BMPR1B: variants seen among roughly 807,000 people sequenced by gnomAD.
BMPR1B encodes the protein bone morphogenetic protein receptor type-1B.
A neutral mutation model predicts 59.1 loss-of-function variants in BMPR1B; 12 were observed. That is an observed-to-expected ratio of 0.20 (90% CI 0.13 to 0.33). BMPR1B has a LOEUF of 0.33. BMPR1B is among the 10% of genes least tolerant of loss of function. The probability of loss-of-function intolerance (pLI) is 1.00; values close to 1 mark genes in which losing one functional copy is unlikely to be tolerated. For missense variants in BMPR1B, 550 were observed against 610.9 expected (o/e 0.90, Z 1.05); for synonymous variants, 237 against 207.3 (o/e 1.14, Z -1.23).
At chr4:95,066,313 A>T (rs1012162238) in intron 3 of BMPR1B, among the ~76,000 whole-genome samples, 7 of 152,230 alleles carry the variant, frequency 4.6e-5, no homozygotes, top group Non-Finnish European at 1.0e-4. Context: ...GCACATAGAC[A>T]TAACATAAGC....
At chr4:94,868,018 A>AT (rs66760751) in intron 1 of BMPR1B, among the ~76,000 whole-genome samples, 241 of 141,354 alleles carry the variant, frequency 1.7e-3, no homozygotes, top group Middle Eastern at 0.011. Flanking sequence ...TGCCCCGCTA[A>AT]TTTTTTTTTT....
At chr4:95,118,041 A>G (rs552813722) in intron 6 of BMPR1B, among the ~76,000 whole-genome samples, 2 of 152,260 alleles carry the variant, frequency 1.3e-5, no homozygotes, top group South Asian at 2.1e-4. Context: ...GCATTGCGTA[A>G]GGTGGCTGGC....
chr4:95,136,312 A>G (rs1461239391), intron 10 of BMPR1B, among the ~76,000 whole-genome samples: 1 of 152,228 alleles, frequency 6.6e-6, no homozygotes, highest in African/African-American at 2.4e-5. Flanking sequence ...TCGTTTTGCC[A>G]GTATTTTATT....
At chr4:94,880,656 T>TTTTTTTTA (rs1726924290) in intron 2 of BMPR1B, among the ~76,000 whole-genome samples, 1 of 145,430 alleles carries the variant, frequency 6.9e-6, no homozygotes, top group African/African-American at 2.7e-5. Flanking sequence ...TTTTTTTTTT[T>TTTTTTTTA]GAGACAGAGT....
At chr4:94,900,461 G>A (rs1449432101) in intron 2 of BMPR1B, among the ~76,000 whole-genome samples, 2 of 151,724 alleles carry the variant, frequency 1.3e-5, no homozygotes. Flanking sequence ...GTTTTAATTT[G>A]TACATACAAA....
At chr4:94,796,211 C>T (rs375418328) in intron 1 of BMPR1B, among the ~76,000 whole-genome samples, 38 of 152,182 alleles carry the variant, frequency 2.5e-4, no homozygotes, top group South Asian at 1.9e-3. Flanking sequence ...GTGATCTGTC[C>T]GCCTCAGCCT....
chr4:94,993,517 T>C (rs559967111), intron 2 of BMPR1B, among the ~76,000 whole-genome samples: 35 of 152,046 alleles, frequency 2.3e-4, no homozygotes, highest in Admixed American at 1.6e-3. Flanking sequence ...CCCAGCACTT[T>C]GGGAGGCCGA....
At chr4:94,897,651 G>C (rs1727636714) in intron 2 of BMPR1B, among the ~76,000 whole-genome samples, 1 of 151,842 alleles carries the variant, frequency 6.6e-6, no homozygotes, top group Admixed American at 6.6e-5. Context: ...ATAACATAAG[G>C]GTTTTTTTGT....
At chr4:94,857,738 A>G (rs1725815378) in intron 1 of BMPR1B, among the ~76,000 whole-genome samples, 1 of 152,182 alleles carries the variant, frequency 6.6e-6, no homozygotes, top group Admixed American at 6.5e-5. Context: ...AGGCTCTGAG[A>G]TGTCCTCAAA....
intron 3 of BMPR1B, among the ~76,000 whole-genome samples, chr4:95,023,568 A>T (rs2149140517): frequency 6.6e-6 from 1 of 151,338 alleles, no homozygotes; most frequent in Non-Finnish European, 1.5e-5. Flanking sequence ...TTTTAAATTG[A>T]TAGAAATGAA....
intron 6 of BMPR1B, among the ~76,000 whole-genome samples, chr4:95,123,075 A>C (rs1732641468): frequency 6.6e-6 from 1 of 152,194 alleles, no homozygotes; most frequent in African/African-American, 2.4e-5. Context: ...AAAGTCAGTG[A>C]ATATACATTG....
chr4:94,945,998 CA>C (rs1211996323), intron 2 of BMPR1B, among the ~76,000 whole-genome samples: 37 of 152,114 alleles, frequency 2.4e-4, no homozygotes, highest in African/African-American at 8.4e-4. Context: ...TAAAATTTTG[CA>C]GAGTATTCTA....
intron 2 of BMPR1B, among the ~76,000 whole-genome samples, chr4:94,958,572 TGTTGG>T (rs1337879388): frequency 6.6e-6 from 1 of 152,156 alleles, no homozygotes; most frequent in African/African-American, 2.4e-5. Context: ...ACGCCAGTCA[TGTTGG>T]GTTAGGGACC....
At chr4:94,770,926 CT>C in intron 1 of BMPR1B, among the ~76,000 whole-genome samples, 1 of 151,056 alleles carries the variant, frequency 6.6e-6, no homozygotes. Flanking sequence ...GCTAGACCCC[CT>C]CCCATGATTA....
At chr4:94,972,366 CAT>C (rs1578866569) in intron 2 of BMPR1B, among the ~76,000 whole-genome samples, 1 of 151,960 alleles carries the variant, frequency 6.6e-6, no homozygotes, top group African/African-American at 2.4e-5. Flanking sequence ...ATTTGAAAAA[CAT>C]AGACACTATA....
At chr4:94,894,152 A>G (rs1480016770) in intron 2 of BMPR1B, among the ~76,000 whole-genome samples, 2 of 151,982 alleles carry the variant, frequency 1.3e-5, no homozygotes, top group African/African-American at 4.8e-5. Context: ...ACCAGTCTGC[A>G]TTTTCTTTTC....
intron 1 of BMPR1B, among the ~76,000 whole-genome samples, chr4:94,758,370 A>C (rs2110550220): frequency 6.7e-6 from 1 of 150,096 alleles, no homozygotes; most frequent in East Asian, 2.0e-4. Context: ...GTGCCTGCGC[A>C]GGCGAGGAGT....
chr4:94,958,599 C>T (rs994254787), intron 2 of BMPR1B, among the ~76,000 whole-genome samples: 5 of 152,110 alleles, frequency 3.3e-5, no homozygotes, highest in African/African-American at 1.2e-4. Context: ...CCCTAACAGC[C>T]TTGTTTTAAC....
rs1560624934 is a variant in BMPR1B at position 95,061,212 on chromosome 4, A to ACAC, written c.-17-43195_-17-43193dup. ...ACACACACACACACACACACACACC[A>ACAC]CACACCCCTCCATTGAATATACATA... is the stretch of plus-strand genomic sequence containing the variant. On this transcript the variant is annotated intron_variant, in intron 3 of 12. Coordinates refer to ENST00000515059, the MANE Select transcript of BMPR1B (RefSeq NM_001203.3). Among the ~76,000 whole-genome samples, 431 of 131,706 alleles carry ACAC rather than the reference A, an allele frequency of 3.3e-3. 3 individuals carry two copies. Among genetic ancestry groups the ACAC allele is most frequent in the Middle Eastern group, 7.9e-3 (2 of 252 alleles). The allele number at this position is 131,706 out of a possible 152,430, so 86.4% of individuals were successfully genotyped here. A position where few individuals can be genotyped will look rare whatever the true frequency, so the allele number is the denominator to read the frequency against.
Sources: gnomAD v4.1 joint callset for allele counts (sites outside exome capture counted in the v4.1 genomes callset) on GRCh38, gnomAD v4.1.1 for gene constraint, MANE v1.5 for transcripts, NCBI Gene and HGNC (gene_info 2026-07-23, HGNC 2026-07-21) for gene names.